The following NLGN1 variants were observed in gnomAD, a reference collection of about 807,000 sequenced individuals.
The protein encoded by NLGN1 is neuroligin 1.
In NLGN1, 12 loss-of-function variants were observed where a neutral mutation model predicts 65.5. The ratio of observed to expected loss-of-function variants is 0.18; its 90% CI spans 0.12 to 0.30. The LOEUF is 0.30. NLGN1 is among the 10% of genes least tolerant of loss of function. The probability of loss-of-function intolerance (pLI) is 1.00; values close to 1 mark genes in which losing one functional copy is unlikely to be tolerated. For missense variants in NLGN1, 750 were observed against 1,007.1 expected, an observed-to-expected ratio of 0.74 and a Z score of 3.46; for synonymous variants, 350 against 359.5, an observed-to-expected ratio of 0.97 and a Z score of 0.30.
At chr3:174,129,149 C>T (rs1213112241) in intron 4 of NLGN1, among the ~76,000 whole-genome samples, 1 of 151,878 alleles carries the variant, frequency 6.6e-6, no homozygotes, top group Non-Finnish European at 1.5e-5. Context: ...CTTACCAAAC[C>T]CTCATTTGGT....
At chr3:173,641,998 T>C (rs769973904) in intron 3 of NLGN1, among the ~76,000 whole-genome samples, 18 of 151,588 alleles carry the variant, frequency 1.2e-4, no homozygotes, top group Non-Finnish European at 2.4e-4. Flanking sequence ...TTTATATAGA[T>C]GCTTTCAGTG....
intron 4 of NLGN1, among the ~76,000 whole-genome samples, chr3:173,990,341 T>C (rs1191630125): frequency 6.6e-6 from 1 of 152,178 alleles, no homozygotes; most frequent in Non-Finnish European, 1.5e-5. Flanking sequence ...TTGACTATTT[T>C]CTTTATTCTC....
At chr3:173,449,284 A>T (rs1388160866) in intron 2 of NLGN1, among the ~76,000 whole-genome samples, 1 of 152,190 alleles carries the variant, frequency 6.6e-6, no homozygotes, top group East Asian at 1.9e-4. Flanking sequence ...GTTGGTTTCA[A>T]AGAACATCTT....
In NLGN1 at chr3:173,479,747, GACA is replaced by G. The variant is rs145846422; in HGVS notation, c.-321+44676_-321+44678del. Among the ~76,000 whole-genome samples the G allele has an allele frequency of 3.3e-4, 50 of 152,028 alleles. No individual in the cohort carries two copies. In the East Asian group the frequency reaches 6.8e-3, roughly 21 times the overall value. On this transcript the variant is annotated intron_variant, in intron 2 of 6. Coordinates refer to ENST00000457714, the Ensembl canonical transcript of NLGN1. ...TGAGATGGGAAAACAAGAAAAAACT[GACA>G]ACAACAGGGAAAAAGAGCTATGAAC...
At chr3:174,119,138 T>G (rs7611395) in intron 4 of NLGN1, among the ~76,000 whole-genome samples, 42,167 of 151,930 alleles carry the variant, frequency 0.28, 7,651 homozygotes, top group African/African-American at 0.52. Flanking sequence ...TAATAGTAAG[T>G]TTAGTAGAGT....
At chr3:174,052,537 A>G (rs181969073) in intron 4 of NLGN1, among the ~76,000 whole-genome samples, 16 of 152,112 alleles carry the variant, frequency 1.1e-4, no homozygotes, top group Admixed American at 3.9e-4. Context: ...TTACCATAAC[A>G]TTATACTTCA....
At chr3:173,438,973 G>A (rs1718649408) in intron 2 of NLGN1, among the ~76,000 whole-genome samples, 1 of 152,158 alleles carries the variant, frequency 6.6e-6, no homozygotes, top group Non-Finnish European at 1.5e-5. Context: ...ATTCAGTAGA[G>A]ACACAATTTA....
chr3:174,226,132 G>A (rs934320780), intron 4 of NLGN1, among the ~76,000 whole-genome samples: 1 of 152,010 alleles, frequency 6.6e-6, no homozygotes, highest in South Asian at 2.1e-4. Flanking sequence ...AGATGATTAG[G>A]AAACATATGG....
intron 3 of NLGN1, among the ~76,000 whole-genome samples, chr3:173,762,336 AC>A (rs1578311079): frequency 6.6e-6 from 1 of 152,072 alleles, no homozygotes; most frequent in East Asian, 1.9e-4. Flanking sequence ...TTACTATAAC[AC>A]TAGGTTGCTA....
At chr3:173,539,652 C>T (rs1388384926) in intron 2 of NLGN1, among the ~76,000 whole-genome samples, 3 of 103,590 alleles carry the variant, frequency 2.9e-5, no homozygotes, top group Non-Finnish European at 6.0e-5. Flanking sequence ...ACATATATAA[C>T]ATATGTGTAT....
chr3:173,934,748 A>C (rs912039831), intron 4 of NLGN1, among the ~76,000 whole-genome samples: 1 of 152,004 alleles, frequency 6.6e-6, no homozygotes, highest in Non-Finnish European at 1.5e-5. Flanking sequence ...CTTTATCACA[A>C]AATTAGCCTT....
chr3:173,701,225 A>G (rs1767118163), intron 3 of NLGN1, among the ~76,000 whole-genome samples: 1 of 152,176 alleles, frequency 6.6e-6, no homozygotes. Context: ...AAAAATATCC[A>G]TATTCTGTGA....
chr3:173,617,723 A>G lies in NLGN1; in HGVS notation c.493+12632A>G, dbSNP rs114131204. ...TCTTGGCTTTCTGCCTGTGCACGTT[A>G]CTGCCAGCCTTATTGCCTCTGCACT... On this transcript the variant is annotated intron_variant, in intron 3 of 6. Transcript: ENST00000457714. Among the ~76,000 whole-genome samples the G allele has an allele frequency of 4.0e-3, 603 of 152,314 alleles. 5 individuals carry two copies. Among genetic ancestry groups the G allele is most frequent in the African/African-American group, 0.014 (573 of 41,576 alleles).
intron 4 of NLGN1, among the ~76,000 whole-genome samples, chr3:174,140,006 A>T (rs1424749381): frequency 1.3e-5 from 2 of 152,084 alleles, no homozygotes; most frequent in Admixed American, 6.6e-5. Context: ...TATTTATCAG[A>T]TGTGTCATTT....
chr3:173,667,656 G>A (rs939434106), intron 3 of NLGN1, among the ~76,000 whole-genome samples: 8 of 151,896 alleles, frequency 5.3e-5, no homozygotes, highest in African/African-American at 1.9e-4. Context: ...TTGAGTTCAA[G>A]TCTCACTCTG....
chr3:173,632,055 A>G (rs529092469), intron 3 of NLGN1, among the ~76,000 whole-genome samples: 1 of 152,270 alleles, frequency 6.6e-6, no homozygotes, highest in East Asian at 1.9e-4. Context: ...CAATACTAGG[A>G]GGCAGCCTTC....
chr3:173,852,355 CAAAAAAAAAAAAAAAAAAA>C (rs71162367), intron 4 of NLGN1, among the ~76,000 whole-genome samples: 3 of 46,650 alleles, frequency 6.4e-5, no homozygotes, highest in Non-Finnish European at 1.1e-4. Flanking sequence ...GACTCCGTCT[CAAAAAAAAAAAAAAAAAAA>C]AAAAAAAAAA....
In NLGN1 at chr3:174,281,127, A is replaced by G. The variant is rs372166495; in HGVS notation, c.2296A>G (p.Met766Val). Residue 766 changes from methionine (M) to valine (V), a missense_variant, in exon 7 of 7, where the codon ATG (methionine) becomes GTG (valine). Physicochemically the swap from Met to Val is conservative, Grantham distance 21. Transcript: ENST00000457714. ...CTGTCCCCCAGATTACACACTAGCT[A>G]TGAGGAGGTCACCTGATGATGTTCC... 1.1e-5 allele frequency: 18 copies of G among 1,613,210 alleles called. No individual in the cohort carries two copies. The African/African-American group carries it at 2.3e-4, about 20-fold the overall frequency.
intron 3 of NLGN1, among the ~76,000 whole-genome samples, chr3:173,727,134 G>A (rs571153162): frequency 2.0e-5 from 3 of 152,214 alleles, no homozygotes; most frequent in African/African-American, 7.2e-5. Context: ...ATCAACAGAA[G>A]TTTCATAGCC....
Sources: gnomAD v4.1 joint callset for allele counts (sites outside exome capture counted in the v4.1 genomes callset) on GRCh38, gnomAD v4.1.1 for gene constraint, MANE v1.5 for transcripts, NCBI Gene and HGNC (gene_info 2026-07-23, HGNC 2026-07-21) for gene names.